Variants in ACAP2 observed in about 807,000 individuals in gnomAD.
ACAP2 encodes arf-GAP with coiled-coil, ANK repeat and PH domain-containing protein 2.
In ACAP2, 39 loss-of-function variants were observed where a neutral mutation model predicts 115.8. The ratio of observed to expected loss-of-function variants is 0.34; its 90% CI spans 0.26 to 0.44. ACAP2 has a LOEUF of 0.44. ACAP2 is among the 20% of genes least tolerant of loss of function. ACAP2 has a pLI of 1.00. For missense variants in ACAP2, 662 were observed against 927.6 expected, an observed-to-expected ratio of 0.71 and a Z score of 3.72; for synonymous variants, 289 against 315.8, an observed-to-expected ratio of 0.92 and a Z score of 0.90.
At chr3:195,417,078 A>ATTTTTTTTT (rs11293878) in intron 1 of ACAP2, among the ~76,000 whole-genome samples, 2 of 109,548 alleles carry the variant, frequency 1.8e-5, no homozygotes, top group South Asian at 3.3e-4. Context: ...TGCCTGGCTA[A>ATTTTTTTTT]TTTTTTTTTT....
At chr3:195,306,889 T>C (rs1294782527) in intron 12 of ACAP2, 4 of 293,708 alleles carry the variant, frequency 1.4e-5, no homozygotes, top group South Asian at 1.4e-4. Context: ...ACCATATAAA[T>C]ATAGAAACAC....
Position 195,443,018 on chromosome 3 carries a change from C to T in ACAP2, c.-171G>A. The T allele has an allele frequency of 3.7e-6, 2 of 533,466 alleles. No homozygotes were observed. Among genetic ancestry groups the T allele is most frequent in the Non-Finnish European group, 3.2e-6 (1 of 315,292 alleles). The allele number at this position is 533,466 out of a possible 1,614,324, so 33.0% of individuals were successfully genotyped here. On this transcript the variant is annotated 5_prime_UTR_variant, in exon 1 of 23. Transcript: ENST00000326793. ...AGCCGCGAAGACGGCGACGACTAGT[C>T]AGGCCCCAGTCCCGCCCCTCTTCCT...
intron 1 of ACAP2, among the ~76,000 whole-genome samples, chr3:195,440,723 A>G (rs1715929512): frequency 1.3e-5 from 2 of 152,250 alleles, no homozygotes; most frequent in Non-Finnish European, 2.9e-5. Flanking sequence ...AATGCTATAC[A>G]GATCCTCATA....
chr3:195,289,801 C>T (rs1322808822), intron 20 of ACAP2, among the ~76,000 whole-genome samples: 1 of 53,450 alleles, frequency 1.9e-5, no homozygotes, highest in Non-Finnish European at 4.3e-5. Flanking sequence ...AAGACTCCGT[C>T]TCAAAAAAAA....
At chr3:195,332,370 AG>A (rs1368821794) in intron 8 of ACAP2, among the ~76,000 whole-genome samples, 12 of 152,220 alleles carry the variant, frequency 7.9e-5, no homozygotes, top group African/African-American at 2.9e-4. Context: ...CCAGTTATGT[AG>A]ACTGCAAAAC....
chr3:195,286,694 A>G (rs922407683), intron 21 of ACAP2, among the ~76,000 whole-genome samples: 6 of 152,244 alleles, frequency 3.9e-5, no homozygotes, highest in African/African-American at 1.4e-4. Context: ...TATTAACAAC[A>G]GTTCCACAAA....
At chr3:195,283,887 CT>C (rs565663609) in intron 22 of ACAP2, among the ~76,000 whole-genome samples, 1 of 149,792 alleles carries the variant, frequency 6.7e-6, no homozygotes, top group Non-Finnish European at 1.5e-5. Context: ...TAAAATGAGG[CT>C]TTTTTTTTCA....
At chr3:195,381,163 C>T (rs1330874563) in intron 3 of ACAP2, 101 bp from the exon 4 acceptor site, 3 of 792,388 alleles carry the variant, frequency 3.8e-6, no homozygotes, top group South Asian at 1.8e-5. Flanking sequence ...TCAAGTTACA[C>T]TGTAAACAGT....
chr3:195,432,176 G>A (rs1715179972), intron 1 of ACAP2, among the ~76,000 whole-genome samples: 1 of 152,292 alleles, frequency 6.6e-6, no homozygotes, highest in East Asian at 1.9e-4. Flanking sequence ...TTTGAAGCAT[G>A]AAAGTTTTTA....
At chr3:195,357,798 A>G (rs2108686380) in intron 4 of ACAP2, 2 of 152,488 alleles carry the variant, frequency 1.3e-5, no homozygotes, top group South Asian at 4.1e-4. Flanking sequence ...GAAAGGAAAG[A>G]GGTTTAATTG....
At chr3:195,416,574 C>A (rs1713748400) in intron 1 of ACAP2, among the ~76,000 whole-genome samples, 1 of 152,076 alleles carries the variant, frequency 6.6e-6, no homozygotes, top group Admixed American at 6.5e-5. Flanking sequence ...GTAGTTCACT[C>A]CCTAGCTCTC....
At chr3:195,334,326 T>C (rs1730367237) in intron 7 of ACAP2, among the ~76,000 whole-genome samples, 1 of 151,356 alleles carries the variant, frequency 6.6e-6, no homozygotes, top group Non-Finnish European at 1.5e-5. Flanking sequence ...AATTTGTGAA[T>C]AAAAACCAAT....
intron 15 of ACAP2, 108 bp from the exon 16 acceptor site, chr3:195,297,389 A>G (rs1426883842): frequency 6.3e-6 from 5 of 795,622 alleles, no homozygotes; most frequent in Non-Finnish European, 9.8e-6. Flanking sequence ...CCCCTTACAC[A>G]TTCTGCAGAT....
intron 4 of ACAP2, among the ~76,000 whole-genome samples, chr3:195,380,143 A>G (rs1430360216): frequency 6.6e-6 from 1 of 152,306 alleles, no homozygotes; most frequent in Non-Finnish European, 1.5e-5. Context: ...ACCTAGGTAC[A>G]TGCCCAAAAG....
At chr3:195,294,608 ATT>A (rs63414060) in intron 18 of ACAP2, 109 bp downstream of exon 18, 29,554 of 83,918 alleles carry the variant, frequency 0.35, 3,962 homozygotes, top group Middle Eastern at 0.53. Flanking sequence ...AAAAAAAAAA[ATT>A]ATATATATAT....
At chr3:195,362,317 CAAAA>C (rs755987847) in intron 4 of ACAP2, among the ~76,000 whole-genome samples, 1 of 67,416 alleles carries the variant, frequency 1.5e-5, no homozygotes. Flanking sequence ...AACTCCATCT[CAAAA>C]AAAAAAAAAA....
chr3:195,309,255 C>G lies in ACAP2; in HGVS notation c.858-418G>C, dbSNP rs113848699. ...TGTATATCGTGAATAAAAGTATCCA[C>G]TTGTGGCCAGGCACGGTGGCTCACG... is the stretch of plus-strand genomic sequence containing the variant. On this transcript the variant is annotated intron_variant, in intron 10 of 22. Coordinates refer to ENST00000326793, the MANE Select transcript of ACAP2 (RefSeq NM_012287.6). 4.1e-4 allele frequency among the ~76,000 whole-genome samples: 63 copies of G among 152,228 alleles called. No homozygotes were observed. In the Middle Eastern group the frequency reaches 0.017, roughly 41 times the overall value.
intron 8 of ACAP2, among the ~76,000 whole-genome samples, chr3:195,328,487 G>C (rs2108618570): frequency 6.6e-6 from 1 of 152,244 alleles, no homozygotes; most frequent in Admixed American, 6.5e-5. Flanking sequence ...TGGCAACTAT[G>C]CTACTCTATG....
Position 195,295,881 on chromosome 3 carries a change from T to C in ACAP2, c.1499A>G (p.Glu500Gly), listed in dbSNP as rs1727628858. The C allele has an allele frequency of 6.2e-7, 1 of 1,609,434 alleles. No individual in the cohort carries two copies. Among genetic ancestry groups the C allele is most frequent in the South Asian group, 1.1e-5 (1 of 90,178 alleles). ...KPQPGQRQEK[E>G]AYIRAKYVER... ...CACATATTTTGCTCTGATATATGCC[T>C]CCTTCTCCTGTCTGACAGACATAAA... Residue 500 changes from glutamate to glycine, a missense_variant, in exon 17 of 23, where the codon GAG (glutamate) becomes GGG (glycine). Glu to Gly is a moderately conservative substitution (Grantham distance 98, BLOSUM62 -2). Coordinates refer to ENST00000326793, the MANE Select transcript of ACAP2 (RefSeq NM_012287.6).
Sources: gnomAD v4.1 joint callset for allele counts (sites outside exome capture counted in the v4.1 genomes callset) on GRCh38, gnomAD v4.1.1 for gene constraint, MANE v1.5 for transcripts, NCBI Gene and HGNC (gene_info 2026-07-23, HGNC 2026-07-21) for gene names.